The following KCNQ1 variants were observed in gnomAD, a reference collection of about 807,000 sequenced individuals.
The protein encoded by KCNQ1 is potassium voltage-gated channel subfamily Q member 1, also known as potassium voltage-gated channel subfamily KQT member 1.
Under a neutral mutation model 72.4 loss-of-function variants are expected in KCNQ1, and 49 were observed. That is an observed-to-expected ratio of 0.68 (90% CI 0.54 to 0.86). KCNQ1 has a LOEUF of 0.86. KCNQ1 is among the 40% of genes least tolerant of loss of function. The pLI, the probability that KCNQ1 is intolerant of heterozygous loss-of-function variation, is 0.00. For missense variants in KCNQ1, 790 were observed against 945.1 expected (o/e 0.84, Z 2.15); for synonymous variants, 450 against 412.6 (o/e 1.09, Z -1.10).
intron 11 of KCNQ1, chr11:2,699,513 C>CG (rs148799466): frequency 0.018 from 3,243 of 177,190 alleles, 86 homozygotes; most frequent in African/African-American, 0.12. Flanking sequence ...GAGGAGCCCC[C>CG]AGGAGAGTGC....
At chr11:2,743,874 C>G (rs977353179) in intron 11 of KCNQ1, among the ~76,000 whole-genome samples, 10 of 152,226 alleles carry the variant, frequency 6.6e-5, no homozygotes, top group African/African-American at 2.4e-4. Context: ...TGGGATATTT[C>G]AGCGGGAGGT....
chr11:2,544,254 A>ATATGTG lies in KCNQ1; in HGVS notation c.477+16239_477+16240insGTGTAT, dbSNP rs1564811888. On this transcript the variant is annotated intron_variant, in intron 2 of 15. Coordinates refer to ENST00000155840, the MANE Select transcript of KCNQ1 (RefSeq NM_000218.3). This position sits in a 1 kb window ranked among gnomAD's most constrained non-coding sequence, Gnocchi z 4.4. ...TATATATATGTGTGTGTGTGTATAT[A>ATATGTG]TATATGTGTGTGTGTGTATATATAT... Among the ~76,000 whole-genome samples, 3 of 131,820 alleles carry ATATGTG rather than the reference A, an allele frequency of 2.3e-5. No homozygotes were observed. Among genetic ancestry groups the ATATGTG allele is most frequent in the African/African-American group, 1.0e-4 (3 of 28,826 alleles). 86.5% of individuals were successfully genotyped at this position (131,820 alleles called of 152,430 possible). A position where few individuals can be genotyped will look rare whatever the true frequency, so the allele number is the denominator to read the frequency against.
chr11:2,843,476 A>C (rs921355378), intron 15 of KCNQ1, among the ~76,000 whole-genome samples: 1 of 152,188 alleles, frequency 6.6e-6, no homozygotes, highest in Non-Finnish European at 1.5e-5. Context: ...ACTGCCCAAC[A>C]AGGATGCTAG....
At position 2,456,956 on chromosome 11, in the gene KCNQ1, A is replaced by AAC. The variant is rs1554882140; in HGVS notation, c.386+11473_386+11474insCA. On this transcript the variant is annotated intron_variant, in intron 1 of 15. Coordinates refer to ENST00000155840, the MANE Select transcript of KCNQ1 (RefSeq NM_000218.3). ...TCGGTCTCAAAAAAAAAAAAAAAAA[A>AAC]AAAAAAAAACCCAAAAAAACAAAAA... Among the ~76,000 whole-genome samples the AAC allele has an allele frequency of 3.8e-4, 40 of 106,214 alleles. 2 individuals are homozygous for AAC. Among genetic ancestry groups the AAC allele is most frequent in the Middle Eastern group, 4.4e-3 (1 of 226 alleles). The allele number at this position is 106,214 out of a possible 152,430, so 69.7% of individuals were successfully genotyped here.
rs375799456 is a variant in KCNQ1 at position 2,703,222 on chromosome 11, G to A, written c.1514+41141G>A. 4.6e-5 allele frequency among the ~76,000 whole-genome samples: 7 copies of A among 152,162 alleles called. No individual in the cohort carries two copies. In the East Asian group the frequency reaches 7.7e-4, roughly 17 times the overall value. On this transcript the variant is annotated intron_variant, in intron 11 of 15. Coordinates refer to ENST00000155840, the MANE Select transcript of KCNQ1 (RefSeq NM_000218.3). The surrounding 1 kb of genome is among the most constrained non-coding windows in gnomAD (Gnocchi z 6.4). ...AGCTCCCTTTCTGAATTGTTCTGTG[G>A]GTTGTGGAAGGCTTTGAAATTTGGC...
chr11:2,689,574 G>A, intron 11 of KCNQ1: 1 of 398,660 alleles, frequency 2.5e-6, no homozygotes, highest in Non-Finnish European at 4.4e-6. Context: ...GTGGAAATCT[G>A]TTAGCAGTGG....
At chr11:2,576,726 G>A (rs1848428623) in intron 6 of KCNQ1, among the ~76,000 whole-genome samples, 1 of 152,240 alleles carries the variant, frequency 6.6e-6, no homozygotes, top group Admixed American at 6.5e-5. Flanking sequence ...GCTGGTGCAG[G>A]GGTGTGCGTG....
rs1846315835 is a variant in KCNQ1, at chr11:2,463,970, T to C, written c.386+18486T>C. On this transcript the variant is annotated intron_variant, in intron 1 of 15. Transcript: ENST00000155840. This position sits in a 1 kb window ranked among gnomAD's most constrained non-coding sequence, Gnocchi z 7.0. ...AGCAGGCTCACTGTCGGCAGTTGGG[T>C]CTGGTTTGATAACCGTGGACCGGGG... Among the ~76,000 whole-genome samples the C allele has an allele frequency of 6.6e-6, 1 of 152,178 alleles. No homozygotes were observed. The highest frequency in any genetic ancestry group is 1.5e-5 in the Non-Finnish European group (1 of 68,020).
At position 2,529,821 on chromosome 11, in the gene KCNQ1, TCTGTGGGCGGGCCGG is replaced by T. The variant is rs796874559; in HGVS notation, c.477+1807_477+1821del. Among the ~76,000 whole-genome samples, 196 of 152,194 alleles carry T rather than the reference TCTGTGGGCGGGCCGG, an allele frequency of 1.3e-3. 1 individual carries two copies. The highest frequency in any genetic ancestry group is 4.5e-3 in the African/African-American group (188 of 41,532). On this transcript the variant is annotated intron_variant, in intron 2 of 15. Coordinates refer to ENST00000155840, the MANE Select transcript of KCNQ1 (RefSeq NM_000218.3). ...TGCGGCCAGCGGGGCCCTCCTGGCTTCTGTGGGCGGGCCGGCTGCCAGGCGGGGGGTGCGCACCTC... is the reference window on the plus strand; with the variant it reads ...TGCGGCCAGCGGGGCCCTCCTGGCTTCTGCCAGGCGGGGGGTGCGCACCTC...
chr11:2,466,008 C>A (rs1002622335), intron 1 of KCNQ1, among the ~76,000 whole-genome samples: 1 of 152,248 alleles, frequency 6.6e-6, no homozygotes, highest in African/African-American at 2.4e-5. Flanking sequence ...AGGGGCCCGC[C>A]CTTCAGGGCC....
intron 1 of KCNQ1, among the ~76,000 whole-genome samples, chr11:2,518,078 C>T (rs1429086421): frequency 6.6e-6 from 1 of 152,280 alleles, no homozygotes; most frequent in Non-Finnish European, 1.5e-5. Context: ...CATTCATTCA[C>T]ACCATCAGTC....
chr11:2,743,622 A>AGCAGCCCTGC (rs1846093623), intron 11 of KCNQ1, among the ~76,000 whole-genome samples: 2 of 152,096 alleles, frequency 1.3e-5, no homozygotes, highest in Non-Finnish European at 2.9e-5. Context: ...CCCGGAGGAG[A>AGCAGCCCTGC]GCAGCCCTGC....
chr11:2,614,291 TAG>T (rs749844026), intron 10 of KCNQ1: 3 of 398,488 alleles, frequency 7.5e-6, no homozygotes, highest in Non-Finnish European at 1.3e-5. Flanking sequence ...ACATTTAATA[TAG>T]AGTCTTCTTT....
chr11:2,578,934 TCA>T (rs1227197676), intron 6 of KCNQ1, among the ~76,000 whole-genome samples: 2 of 152,210 alleles, frequency 1.3e-5, no homozygotes, highest in African/African-American at 4.8e-5. Flanking sequence ...CTGCCCAGCC[TCA>T]GTTTCCTCCT....
chr11:2,604,450 C>G (rs1848850949), intron 10 of KCNQ1, among the ~76,000 whole-genome samples: 1 of 151,370 alleles, frequency 6.6e-6, no homozygotes, highest in South Asian at 2.1e-4. Flanking sequence ...TGCACTCCAG[C>G]TTAGGCAACA....
chr11:2,542,595 C>G (rs1261760994), intron 2 of KCNQ1, among the ~76,000 whole-genome samples: 2 of 152,238 alleles, frequency 1.3e-5, no homozygotes. Flanking sequence ...AGGCTTCTCG[C>G]TCCCGTCGCT....
intron 15 of KCNQ1, among the ~76,000 whole-genome samples, chr11:2,833,951 C>T (rs1376461622): frequency 4.6e-5 from 7 of 152,244 alleles, no homozygotes; most frequent in Admixed American, 4.6e-4. Flanking sequence ...CCCACCTCCT[C>T]ACCCCCTTCC....
At chr11:2,810,235 A>G (rs1023782321) in intron 15 of KCNQ1, among the ~76,000 whole-genome samples, 4 of 152,160 alleles carry the variant, frequency 2.6e-5, no homozygotes, top group Non-Finnish European at 2.9e-5. Context: ...AGGGGTTTCA[A>G]TTTCCCAGAG....
rs901224582 is a variant in KCNQ1 at position 2,750,962 on chromosome 11, G to A, written c.1515-17882G>A. Among the ~76,000 whole-genome samples, 41 of 152,182 alleles carry A rather than the reference G, an allele frequency of 2.7e-4. No homozygotes were observed. Among genetic ancestry groups the A allele is most frequent in the African/African-American group, 9.4e-4 (39 of 41,510 alleles). On this transcript the variant is annotated intron_variant, in intron 11 of 15. Coordinates refer to ENST00000155840, the MANE Select transcript of KCNQ1 (RefSeq NM_000218.3). The surrounding 1 kb of genome is among the most constrained non-coding windows in gnomAD (Gnocchi z 6.3). ...CTCGAGGCTCTTTACCTCTGTCTGT[G>A]CACCCACCCAGCCCCTCCTGGGAAA...
Sources: allele counts gnomAD v4.1 joint callset (sites outside exome capture counted in the v4.1 genomes callset), GRCh38; gene constraint gnomAD v4.1.1; non-coding constraint Gnocchi (gnomAD v3.1); transcripts MANE v1.5; gene names NCBI Gene and HGNC (gene_info 2026-07-23, HGNC 2026-07-21).